The following FAR2 variants were observed in gnomAD, a reference collection of about 807,000 sequenced individuals.
The protein encoded by FAR2 is epididymis secretory protein Li 81.
FAR2 carries 19 observed loss-of-function variants against 56.0 expected under a neutral mutation model. The observed-to-expected ratio is 0.34, with a 90% CI of 0.24 to 0.50. The LOEUF is 0.50. Ranked by LOEUF, FAR2 falls within the 20% of genes least tolerant of loss-of-function variation. The pLI, the probability that FAR2 is intolerant of heterozygous loss-of-function variation, is 0.98. For missense variants in FAR2, 508 were observed against 642.2 expected, an observed-to-expected ratio of 0.79 and a Z score of 2.26; for synonymous variants, 219 against 218.8, an observed-to-expected ratio of 1.00 and a Z score of -0.01.
chr12:29,252,691 C>T (rs10843365), intron 1 of FAR2, among the ~76,000 whole-genome samples: 87,196 of 151,942 alleles, frequency 0.57, 25,838 homozygotes, highest in African/African-American at 0.72. Flanking sequence ...AGGGTTAGTG[C>T]GTTTTTGGTT....
At chr12:29,206,904 A>T (rs992085545) in intron 1 of FAR2, among the ~76,000 whole-genome samples, 1 of 152,054 alleles carries the variant, frequency 6.6e-6, no homozygotes, top group African/African-American at 2.4e-5. Flanking sequence ...GGCCATCTGG[A>T]AAGATTTCAA....
chr12:29,291,438 A>T, intron 2 of FAR2: 1 of 456,000 alleles, frequency 2.2e-6, no homozygotes, highest in Non-Finnish European at 4.4e-6. Flanking sequence ...TGATGCGAAG[A>T]TTGCTCTGGG....
chr12:29,181,341 A>G lies in FAR2; in HGVS notation c.-39+31934A>G, dbSNP rs555081065. ...TACTACTACTTCATTAAGAATTAAG[A>G]AGATTTTTGTGAGTTTCATGAAAAA... is the stretch of plus-strand genomic sequence containing the variant. On this transcript the variant is annotated intron_variant, in intron 1 of 11. Coordinates refer to ENST00000536681, the MANE Select transcript of FAR2 (RefSeq NM_001271783.2). Among the ~76,000 whole-genome samples the G allele has an allele frequency of 8.1e-4, 124 of 152,314 alleles. 1 individual carries two copies. The highest frequency in any genetic ancestry group is 2.8e-3 in the African/African-American group (118 of 41,586).
intron 1 of FAR2, among the ~76,000 whole-genome samples, chr12:29,188,329 T>G (rs2136604450): frequency 6.6e-6 from 1 of 152,284 alleles, no homozygotes; most frequent in East Asian, 1.9e-4. Context: ...CCCTTAATTT[T>G]CATTTATTTC....
intron 1 of FAR2, among the ~76,000 whole-genome samples, chr12:29,161,678 G>A (rs1949783480): frequency 1.3e-5 from 2 of 152,202 alleles, no homozygotes; most frequent in Non-Finnish European, 2.9e-5. Context: ...ATTGCTTTAT[G>A]CAAAGAGCTT....
chr12:29,233,159 A>C (rs891205993), intron 1 of FAR2, among the ~76,000 whole-genome samples: 1 of 150,822 alleles, frequency 6.6e-6, no homozygotes, highest in Non-Finnish European at 1.5e-5. Context: ...TAAACCATAC[A>C]CTCCATTTTC....
intron 1 of FAR2, among the ~76,000 whole-genome samples, chr12:29,256,248 C>T (rs923360429): frequency 6.6e-6 from 1 of 152,044 alleles, no homozygotes; most frequent in Non-Finnish European, 1.5e-5. Flanking sequence ...AGGGCAGTGG[C>T]GCCATCATAG....
At chr12:29,252,363 G>T (rs770590039) in intron 1 of FAR2, among the ~76,000 whole-genome samples, 13 of 152,150 alleles carry the variant, frequency 8.5e-5, no homozygotes, top group African/African-American at 1.2e-4. Context: ...TGACTACCTG[G>T]AGTGCTTACT....
rs2136567045 is a variant in FAR2 at position 29,149,279 on chromosome 12, G to C, written c.-167G>C. ...ACCCAGTCTCCGAGCCGGATATATA[G>C]AGTGTCACGTTTGGGAGCCGAAAGA... On this transcript the variant is annotated 5_prime_UTR_variant, in exon 1 of 12. Transcript: ENST00000536681. 6.6e-6 allele frequency: 1 copy of C among 152,486 alleles called. No homozygotes were observed. The allele number at this position is 152,486 out of a possible 1,614,324, so 9.4% of individuals were successfully genotyped here.
intron 1 of FAR2, among the ~76,000 whole-genome samples, chr12:29,205,033 C>A (rs1947463379): frequency 6.6e-6 from 1 of 152,174 alleles, no homozygotes; most frequent in African/African-American, 2.4e-5. Context: ...CTTACAAGAT[C>A]TTTTTCTTGA....
At chr12:29,284,745 AAAAAC>A (rs1407564563) in intron 2 of FAR2, among the ~76,000 whole-genome samples, 9 of 152,370 alleles carry the variant, frequency 5.9e-5, no homozygotes, top group South Asian at 2.1e-4. Context: ...CTAAGAAAAC[AAAAAC>A]AAAACAAAAA....
At chr12:29,272,356 G>C (rs12813996) in intron 2 of FAR2, among the ~76,000 whole-genome samples, 21,421 of 151,764 alleles carry the variant, frequency 0.14, 1,607 homozygotes, top group Middle Eastern at 0.28. Flanking sequence ...CTCTATTCTT[G>C]TCGGCATCTT....
rs536191567 is a variant in FAR2 at position 29,180,998 on chromosome 12, TAATC to T, written c.-39+31595_-39+31598del. Among the ~76,000 whole-genome samples, 280 of 152,284 alleles carry T rather than the reference TAATC, an allele frequency of 1.8e-3. 3 individuals are homozygous for T. The highest frequency in any genetic ancestry group is 5.7e-3 in the African/African-American group (235 of 41,570). On this transcript the variant is annotated intron_variant, in intron 1 of 11. Transcript: ENST00000536681. ...TTTTCCAAGCACATATATTTTTACATAATCAATATATGTTGTATCTAGTTTTATT... is the reference window on the plus strand; with the variant it reads ...TTTTCCAAGCACATATATTTTTACATAATATATGTTGTATCTAGTTTTATT...
intron 4 of FAR2, among the ~76,000 whole-genome samples, chr12:29,302,288 G>A (rs1337488275): frequency 7.0e-6 from 1 of 143,720 alleles, no homozygotes; most frequent in Non-Finnish European, 1.5e-5. Flanking sequence ...TATAGACTAT[G>A]TTCCAAAGAG....
chr12:29,303,953 C>A (rs1038573821), intron 4 of FAR2, among the ~76,000 whole-genome samples: 1 of 152,128 alleles, frequency 6.6e-6, no homozygotes, highest in Non-Finnish European at 1.5e-5. Flanking sequence ...TTGAGCCTGG[C>A]TAGGTGCTCC....
intron 1 of FAR2, among the ~76,000 whole-genome samples, chr12:29,185,766 C>A (rs1374042768): frequency 6.6e-6 from 1 of 152,114 alleles, no homozygotes; most frequent in African/African-American, 2.4e-5. Context: ...GTTGTCATGA[C>A]TAGAGGTGGC....
At chr12:29,323,123 C>G (rs1384207475) in intron 10 of FAR2, among the ~76,000 whole-genome samples, 1 of 152,270 alleles carries the variant, frequency 6.6e-6, no homozygotes, top group African/African-American at 2.4e-5. Flanking sequence ...CTTGGAGGGT[C>G]CTATGCCCAT....
rs965349471 is a variant in FAR2, at chr12:29,286,668, A to G, written c.190-6632A>G. Among the ~76,000 whole-genome samples the G allele has an allele frequency of 9.9e-5, 15 of 152,216 alleles. No homozygotes were observed. In the South Asian group the frequency reaches 1.2e-3, roughly 13 times the overall value. Reference sequence around the variant, plus strand: ...AGAAAACATAACCAGATGATGAATCAAGCACTGTGTTGCCTTTAGCATTTA... The same window carrying G: ...AGAAAACATAACCAGATGATGAATCGAGCACTGTGTTGCCTTTAGCATTTA... On this transcript the variant is annotated intron_variant, in intron 2 of 11. Transcript: ENST00000536681.
intron 1 of FAR2, among the ~76,000 whole-genome samples, chr12:29,205,038 T>C (rs139728678): frequency 3.8e-4 from 58 of 152,314 alleles, no homozygotes; most frequent in African/African-American, 1.3e-3. Flanking sequence ...AAGATCTTTT[T>C]CTTGATGGAA....
Sources: allele counts gnomAD v4.1 joint callset (sites outside exome capture counted in the v4.1 genomes callset), GRCh38; gene constraint gnomAD v4.1.1; transcripts MANE v1.5; gene names NCBI Gene and HGNC (gene_info 2026-07-23, HGNC 2026-07-21).